Variants in ARFGEF3 observed in about 807,000 individuals in gnomAD.
ARFGEF3 encodes brefeldin A-inhibited guanine nucleotide-exchange protein 3.
Under a neutral mutation model 221.7 loss-of-function variants are expected in ARFGEF3, and 96 were observed. The observed-to-expected ratio is 0.43, with a 90% confidence interval of 0.37 to 0.51. ARFGEF3 has a LOEUF of 0.51. ARFGEF3 is among the 20% of genes least tolerant of loss of function. The pLI, the probability that ARFGEF3 is intolerant of heterozygous loss-of-function variation, is 0.00. For missense variants in ARFGEF3, 2,410 were observed against 2,789.9 expected (o/e 0.86, Z 3.07); for synonymous variants, 1,145 against 1,126.8 (o/e 1.02, Z -0.32).
intron 8 of ARFGEF3, among the ~76,000 whole-genome samples, chr6:138,253,413 T>G (rs188181665): frequency 6.6e-6 from 1 of 152,306 alleles, no homozygotes; most frequent in Non-Finnish European, 1.5e-5. Flanking sequence ...TGTATTACAG[T>G]TCTGGAGCCT....
intron 2 of ARFGEF3, among the ~76,000 whole-genome samples, chr6:138,181,691 A>G (rs2114449509): frequency 6.6e-6 from 1 of 152,210 alleles, no homozygotes; most frequent in South Asian, 2.1e-4. Context: ...TGATCCTCCC[A>G]TCTTGGCCTC....
intron 12 of ARFGEF3, among the ~76,000 whole-genome samples, chr6:138,267,655 G>C (rs886773298): frequency 3.9e-5 from 6 of 152,102 alleles, no homozygotes; most frequent in African/African-American, 1.4e-4. Flanking sequence ...GGCTAAAGCA[G>C]GTCTTCAGTT....
intron 8 of ARFGEF3, among the ~76,000 whole-genome samples, chr6:138,247,818 G>GA (rs1778513488): frequency 1.3e-5 from 2 of 152,324 alleles, no homozygotes; most frequent in Non-Finnish European, 2.9e-5. Flanking sequence ...GATTGAGTGA[G>GA]AAAATTCACT....
At chr6:138,278,318 G>A in intron 12 of ARFGEF3, 133 bp from the exon 13 acceptor site, 1 of 831,446 alleles carries the variant, frequency 1.2e-6, no homozygotes, top group Non-Finnish European at 1.9e-6. Context: ...GATATTCCTG[G>A]CTAGCTGTCA....
At chr6:138,313,480 G>T (rs1779866356) in intron 25 of ARFGEF3, among the ~76,000 whole-genome samples, 1 of 152,180 alleles carries the variant, frequency 6.6e-6, no homozygotes. Flanking sequence ...AAAAATTCTG[G>T]ACATGTTTCA....
intron 22 of ARFGEF3, among the ~76,000 whole-genome samples, chr6:138,299,840 A>G (rs1779598528): frequency 6.6e-6 from 1 of 152,234 alleles, no homozygotes; most frequent in Non-Finnish European, 1.5e-5. Context: ...CTCTTAATGG[A>G]AAGTTTTTTA....
intron 8 of ARFGEF3, 77 bp downstream of exon 8, chr6:138,245,668 C>A: frequency 1.9e-6 from 2 of 1,045,662 alleles, no homozygotes; most frequent in Non-Finnish European, 2.9e-6. Flanking sequence ...AGCATCACTT[C>A]AAATTATGGA....
At chr6:138,165,522 G>A (rs1387771579) in intron 1 of ARFGEF3, among the ~76,000 whole-genome samples, 1 of 150,040 alleles carries the variant, frequency 6.7e-6, no homozygotes, top group Non-Finnish European at 1.5e-5. Flanking sequence ...GGGGGAGAGG[G>A]GCATCTCCCT....
chr6:138,300,844 C>T (rs2114650470), intron 22 of ARFGEF3, among the ~76,000 whole-genome samples: 1 of 152,316 alleles, frequency 6.6e-6, no homozygotes, highest in East Asian at 1.9e-4. Flanking sequence ...AACCCAACTT[C>T]AAATAATCCC....
intron 13 of ARFGEF3, 84 bp downstream of exon 13, chr6:138,278,701 G>A: frequency 6.9e-7 from 1 of 1,446,678 alleles, no homozygotes; most frequent in Non-Finnish European, 9.5e-7. Context: ...CCCTGAGTGG[G>A]ATGGCACAGC....
chr6:138,283,370 C>T (rs1373165733), intron 14 of ARFGEF3, among the ~76,000 whole-genome samples: 1 of 152,238 alleles, frequency 6.6e-6, no homozygotes, highest in Admixed American at 6.5e-5. Context: ...CATCAGTCAT[C>T]ACTGTTAATT....
At chr6:138,240,833 C>G (rs1203374753) in intron 6 of ARFGEF3, among the ~76,000 whole-genome samples, 1 of 152,030 alleles carries the variant, frequency 6.6e-6, no homozygotes. Flanking sequence ...GTGGAATCAT[C>G]TATAGGAATG....
chr6:138,213,055 G>A (rs1457930604), intron 4 of ARFGEF3, among the ~76,000 whole-genome samples: 2 of 152,002 alleles, frequency 1.3e-5, no homozygotes, highest in Non-Finnish European at 2.9e-5. Context: ...TTGGGAGGTC[G>A]AGGTGGGGGG....
At chr6:138,211,421 T>C (rs1562354670) in intron 4 of ARFGEF3, among the ~76,000 whole-genome samples, 1 of 152,190 alleles carries the variant, frequency 6.6e-6, no homozygotes, top group Non-Finnish European at 1.5e-5. Flanking sequence ...TCCTTTCAGT[T>C]TGGCAGCTGT....
At chr6:138,220,128 C>T (rs1484736790) in intron 4 of ARFGEF3, among the ~76,000 whole-genome samples, 1 of 152,130 alleles carries the variant, frequency 6.6e-6, no homozygotes, top group Non-Finnish European at 1.5e-5. Context: ...AGGTGATCCT[C>T]CAACCTCAGC....
chr6:138,295,275 G>A (rs1779486377), intron 20 of ARFGEF3, among the ~76,000 whole-genome samples: 1 of 152,054 alleles, frequency 6.6e-6, no homozygotes, highest in South Asian at 2.1e-4. Context: ...TCACCTTTCA[G>A]ACATTCAATT....
rs775972359 is a variant in ARFGEF3, at chr6:138,296,952, G to A, written c.3645G>A (p.Val1215=). The A allele has an allele frequency of 6.2e-7, 1 of 1,611,664 alleles. No homozygotes were observed. Among genetic ancestry groups the A allele is most frequent in the Non-Finnish European group, 8.5e-7 (1 of 1,179,068 alleles). ...RCWSLVAPHL[V]EAACHKERHV... ...GGAGCCTTGTGGCCCCACACCTGGT[G>A]GAGGTGAGCACTGGGAAGGTGGGAA... is the stretch of plus-strand genomic sequence containing the variant. Residue 1215 remains valine (V), a synonymous_variant, in exon 21 of 34, where the codon GTG becomes GTA. Transcript: ENST00000251691.
intron 12 of ARFGEF3, among the ~76,000 whole-genome samples, chr6:138,269,236 CG>C (rs1044545950): frequency 7.2e-5 from 11 of 152,260 alleles, no homozygotes; most frequent in African/African-American, 1.2e-4. Context: ...TCTGCCTCAC[CG>C]CTTCTTCCCC....
At chr6:138,255,129 G>A (rs1055540449) in intron 9 of ARFGEF3, among the ~76,000 whole-genome samples, 14 of 152,166 alleles carry the variant, frequency 9.2e-5, no homozygotes, top group African/African-American at 3.4e-4. Context: ...AAATCATTTT[G>A]TTATTTGTAG....
Sources: allele counts gnomAD v4.1 joint callset (sites outside exome capture counted in the v4.1 genomes callset), GRCh38; gene constraint gnomAD v4.1.1; transcripts MANE v1.5; gene names NCBI Gene and HGNC (gene_info 2026-07-23, HGNC 2026-07-21).